SEZ6L: variants seen among roughly 807,000 people sequenced by gnomAD.
SEZ6L encodes the protein seizure 6-like protein.
A neutral mutation model predicts 106.2 loss-of-function variants in SEZ6L; 37 were observed. That is an observed-to-expected ratio of 0.35 (90% CI 0.27 to 0.46). The LOEUF is 0.46. Among genes scored for constraint, SEZ6L ranks in the 20% least tolerant of loss-of-function variants. The pLI, the probability that SEZ6L is intolerant of heterozygous loss-of-function variation, is 1.00. For missense variants in SEZ6L, 1,172 were observed against 1,332.8 expected (o/e 0.88, Z 1.88); for synonymous variants, 541 against 570.4 (o/e 0.95, Z 0.73).
At chr22:26,284,476 G>A (rs1329678999) in intron 1 of SEZ6L, among the ~76,000 whole-genome samples, 1 of 151,914 alleles carries the variant, frequency 6.6e-6, no homozygotes, top group African/African-American at 2.4e-5. Context: ...CGGGCATGTT[G>A]GCTCATGCCT....
chr22:26,292,105 G>A (rs2081138604), intron 1 of SEZ6L: 6 of 318,828 alleles, frequency 1.9e-5, no homozygotes, highest in African/African-American at 2.2e-5. Flanking sequence ...AGAAAAAAAT[G>A]GAAGGGGAAA....
At chr22:26,253,399 G>T (rs2079679419) in intron 1 of SEZ6L, among the ~76,000 whole-genome samples, 1 of 151,890 alleles carries the variant, frequency 6.6e-6, no homozygotes, top group Non-Finnish European at 1.5e-5. Flanking sequence ...TGGTTTTTTT[G>T]ACTGTCCCTA....
intron 1 of SEZ6L, among the ~76,000 whole-genome samples, chr22:26,273,398 C>T (rs1275416270): frequency 6.6e-6 from 1 of 152,262 alleles, no homozygotes; most frequent in Non-Finnish European, 1.5e-5. Context: ...TCCTATGCTT[C>T]CCCAAGCCCC....
intron 8 of SEZ6L, 121 bp from the exon 9 acceptor site, chr22:26,313,643 C>A: frequency 1.7e-6 from 2 of 1,167,218 alleles, no homozygotes; most frequent in Non-Finnish European, 1.2e-6. Context: ...GGTGAAGACA[C>A]CTGTCCACAG....
At chr22:26,316,849 A>G (rs2082010041) in intron 9 of SEZ6L, among the ~76,000 whole-genome samples, 1 of 150,954 alleles carries the variant, frequency 6.6e-6, no homozygotes, top group Non-Finnish European at 1.5e-5. Flanking sequence ...AAAGAAAAGA[A>G]AGAGAGAGAG....
At chr22:26,294,977 T>G (rs527302698) in intron 3 of SEZ6L, among the ~76,000 whole-genome samples, 8 of 151,990 alleles carry the variant, frequency 5.3e-5, no homozygotes, top group Admixed American at 4.6e-4. Flanking sequence ...CTTGCTTGCT[T>G]TCCTTCATTT....
rs113290249 is a variant in SEZ6L at position 26,284,031 on chromosome 22, A to T, written c.95-8375A>T. On this transcript the variant is annotated intron_variant, in intron 1 of 16. Coordinates refer to ENST00000248933, the MANE Select transcript of SEZ6L (RefSeq NM_021115.5). Reference sequence around the variant, plus strand: ...ATAGAAAATGACAACTGTGTTCATGATGGCTGGCAGGCTGCTGTGTGAGCT... The same window carrying T: ...ATAGAAAATGACAACTGTGTTCATGTTGGCTGGCAGGCTGCTGTGTGAGCT... Among the ~76,000 whole-genome samples the T allele has an allele frequency of 4.1e-3, 619 of 152,326 alleles. 2 individuals carry two copies. Among genetic ancestry groups the T allele is most frequent in the African/African-American group, 0.014 (582 of 41,564 alleles).
At chr22:26,308,049 C>A (rs116423641) in intron 6 of SEZ6L, among the ~76,000 whole-genome samples, 2,525 of 152,034 alleles carry the variant, frequency 0.017, 81 homozygotes, top group African/African-American at 0.056. Context: ...AACACACACA[C>A]AAAAATGATG....
At chr22:26,177,946 A>G (rs1939131287) in intron 1 of SEZ6L, among the ~76,000 whole-genome samples, 1 of 152,216 alleles carries the variant, frequency 6.6e-6, no homozygotes, top group South Asian at 2.1e-4. Context: ...TGAGTGGCAG[A>G]GCCAGGACTT....
chr22:26,290,798 T>C (rs2081085606), intron 1 of SEZ6L, among the ~76,000 whole-genome samples: 1 of 152,208 alleles, frequency 6.6e-6, no homozygotes, highest in Admixed American at 6.5e-5. Context: ...CAAAACCCCT[T>C]GCAATTCTTT....
intron 9 of SEZ6L, among the ~76,000 whole-genome samples, chr22:26,331,553 C>T (rs1300950804): frequency 2.6e-5 from 4 of 152,140 alleles, no homozygotes; most frequent in Admixed American, 1.3e-4. Context: ...AATTAAGCCA[C>T]CCAGACTAAG....
At chr22:26,262,145 A>AATATATAT (rs10669410) in intron 1 of SEZ6L, among the ~76,000 whole-genome samples, 1 of 149,202 alleles carries the variant, frequency 6.7e-6, no homozygotes, top group Admixed American at 6.8e-5. Context: ...GTATAATGGG[A>AATATATAT]ATATATATAT....
intron 1 of SEZ6L, among the ~76,000 whole-genome samples, chr22:26,207,941 G>C (rs920311555): frequency 1.4e-5 from 2 of 144,152 alleles, no homozygotes; most frequent in African/African-American, 2.6e-5. Context: ...ACGGAGTCTC[G>C]CTCTGTCGCC....
At chr22:26,203,523 T>C (rs1489762115) in intron 1 of SEZ6L, among the ~76,000 whole-genome samples, 1 of 152,002 alleles carries the variant, frequency 6.6e-6, no homozygotes, top group African/African-American at 2.4e-5. Flanking sequence ...TCATTTGGAT[T>C]TATCATTTGT....
intron 1 of SEZ6L, among the ~76,000 whole-genome samples, chr22:26,229,996 A>G (rs1467868121): frequency 1.3e-5 from 2 of 152,196 alleles, no homozygotes; most frequent in East Asian, 3.8e-4. Context: ...ATGTGGCATC[A>G]TGTTCGTCAA....
intron 1 of SEZ6L, among the ~76,000 whole-genome samples, chr22:26,202,840 C>T (rs1443799806): frequency 1.3e-5 from 2 of 152,178 alleles, no homozygotes; most frequent in Non-Finnish European, 2.9e-5. Context: ...AGTCATTAGT[C>T]ATCATTAACT....
chr22:26,324,972 A>C (rs912081657), intron 9 of SEZ6L, among the ~76,000 whole-genome samples: 1 of 152,124 alleles, frequency 6.6e-6, no homozygotes, highest in African/African-American at 2.4e-5. Flanking sequence ...GTCTATGGGC[A>C]GCCACTGGCC....
chr22:26,361,122 A>G (rs1290135912), intron 12 of SEZ6L, among the ~76,000 whole-genome samples: 2 of 152,208 alleles, frequency 1.3e-5, no homozygotes, highest in East Asian at 1.9e-4. Flanking sequence ...ACCTCTGATT[A>G]TAAGACTATT....
At chr22:26,344,867 A>G (rs1207201650) in intron 10 of SEZ6L, among the ~76,000 whole-genome samples, 1 of 152,226 alleles carries the variant, frequency 6.6e-6, no homozygotes, top group Non-Finnish European at 1.5e-5. Flanking sequence ...TGAGGCTTAG[A>G]GCAGTTAATT....
Sources: allele counts gnomAD v4.1 joint callset (sites outside exome capture counted in the v4.1 genomes callset), GRCh38; gene constraint gnomAD v4.1.1; transcripts MANE v1.5; gene names NCBI Gene and HGNC (gene_info 2026-07-23, HGNC 2026-07-21).